Variants in RAD51B observed in about 807,000 individuals in gnomAD.
RAD51B encodes DNA repair protein RAD51 homolog 2.
In RAD51B, 38 loss-of-function variants were observed where a neutral mutation model predicts 42.2. The observed-to-expected ratio is 0.90, with a 90% CI of 0.70 to 1.18. RAD51B has a LOEUF of 1.18. RAD51B is among the 50% of genes most tolerant of loss of function. RAD51B has a pLI of 0.00. For missense variants in RAD51B, 373 were observed against 400.7 expected (o/e 0.93, Z 0.59); for synonymous variants, 154 against 145.2 (o/e 1.06, Z -0.43).
intron 10 of RAD51B, among the ~76,000 whole-genome samples, chr14:68,623,213 C>T (rs1235903600): frequency 6.6e-6 from 1 of 152,168 alleles, no homozygotes; most frequent in African/African-American, 2.4e-5. Flanking sequence ...TGTTCCCTCC[C>T]CCAGGACTGC....
intron 7 of RAD51B, among the ~76,000 whole-genome samples, chr14:68,141,377 G>A (rs1025496567): frequency 2.0e-5 from 3 of 152,026 alleles, no homozygotes; most frequent in Admixed American, 2.0e-4. Flanking sequence ...ATTCTTAAAG[G>A]GAACCCAAGA....
chr14:68,171,717 T>G (rs901130769), intron 7 of RAD51B, among the ~76,000 whole-genome samples: 1 of 152,144 alleles, frequency 6.6e-6, no homozygotes, highest in East Asian at 1.9e-4. Context: ...CATTCTTTTT[T>G]TGTGTGTGTG....
chr14:68,645,842 G>A (rs537043906), intron 10 of RAD51B, among the ~76,000 whole-genome samples: 3 of 152,166 alleles, frequency 2.0e-5, no homozygotes, highest in Admixed American at 6.5e-5. Flanking sequence ...GCTATCATAA[G>A]TAAAATTGCA....
intron 7 of RAD51B, among the ~76,000 whole-genome samples, chr14:68,230,137 T>A (rs1040174769): frequency 2.6e-5 from 4 of 152,200 alleles, no homozygotes; most frequent in Non-Finnish European, 5.9e-5. Context: ...AGCATCAAAT[T>A]GTAGGACAGT....
chr14:68,008,565 T>C (rs1333412660), intron 7 of RAD51B, among the ~76,000 whole-genome samples: 1 of 151,910 alleles, frequency 6.6e-6, no homozygotes, highest in Non-Finnish European at 1.5e-5. Flanking sequence ...TATGTATTGC[T>C]CTCTAACTAG....
At chr14:68,352,763 T>C (rs2082816353) in intron 8 of RAD51B, among the ~76,000 whole-genome samples, 1 of 152,230 alleles carries the variant, frequency 6.6e-6, no homozygotes, top group Non-Finnish European at 1.5e-5. Context: ...TCTGGGACAC[T>C]TACCAGTATA....
intron 7 of RAD51B, among the ~76,000 whole-genome samples, chr14:68,216,817 C>G (rs1396555132): frequency 1.3e-5 from 2 of 152,176 alleles, no homozygotes; most frequent in Non-Finnish European, 1.5e-5. Context: ...TTCCTCACCT[C>G]CATCAACAGG....
At position 68,540,938 on chromosome 14, in the gene RAD51B, G is replaced by T. The variant is rs1158553601; in HGVS notation, c.1037-53547G>T. On this transcript the variant is annotated intron_variant, in intron 10 of 10. Coordinates refer to the RAD51B transcript ENST00000487270. ...AAGTTTGGAAAGAGAGGCAGGGCAT[G>T]CTTTCTTCACCCACAACTATAATAC... The T allele has an allele frequency of 3.0e-6, 3 of 985,332 alleles. No homozygotes were observed. In the African/African-American group the frequency reaches 5.2e-5, roughly 17 times the overall value. 61.0% of individuals were successfully genotyped at this position (985,332 alleles called of 1,614,324 possible). A position where few individuals can be genotyped will look rare whatever the true frequency, so the allele number is the denominator to read the frequency against.
At chr14:68,001,228 C>T (rs1439662846) in intron 7 of RAD51B, among the ~76,000 whole-genome samples, 1 of 152,056 alleles carries the variant, frequency 6.6e-6, no homozygotes, top group African/African-American at 2.4e-5. Context: ...CGTATATTTT[C>T]TATGGAATCA....
At chr14:68,007,463 A>G (rs2075609630) in intron 7 of RAD51B, among the ~76,000 whole-genome samples, 1 of 152,066 alleles carries the variant, frequency 6.6e-6, no homozygotes, top group Non-Finnish European at 1.5e-5. Flanking sequence ...TAGCTGCACC[A>G]TTAGCACTGT....
At chr14:68,472,626 A>G (rs1329954090) in intron 10 of RAD51B, among the ~76,000 whole-genome samples, 1 of 152,192 alleles carries the variant, frequency 6.6e-6, no homozygotes, top group East Asian at 1.9e-4. Context: ...TGTGTTTTTT[A>G]TATCATTTTT....
intron 8 of RAD51B, among the ~76,000 whole-genome samples, chr14:68,332,548 C>T (rs1314712285): frequency 1.3e-5 from 2 of 152,222 alleles, no homozygotes; most frequent in Non-Finnish European, 2.9e-5. Context: ...CACCATGGAG[C>T]AGCCTCCTGG....
intron 10 of RAD51B, among the ~76,000 whole-genome samples, chr14:68,538,999 T>C (rs1887803059): frequency 6.6e-6 from 1 of 152,254 alleles, no homozygotes; most frequent in Admixed American, 6.5e-5. Flanking sequence ...TTTGCCTCTT[T>C]TCTACAACTT....
intron 7 of RAD51B, among the ~76,000 whole-genome samples, chr14:68,087,882 AATT>A (rs1375410571): frequency 1.2e-5 from 1 of 82,072 alleles, no homozygotes; most frequent in Admixed American, 1.3e-4. Context: ...TTATTTATAT[AATT>A]ATATAATATA....
intron 10 of RAD51B, among the ~76,000 whole-genome samples, chr14:68,549,322 G>T (rs1453879066): frequency 6.6e-6 from 1 of 151,642 alleles, no homozygotes. Context: ...CATTTGACCA[G>T]TGAGGAGTGG....
At chr14:68,178,986 A>G (rs765354149) in intron 7 of RAD51B, among the ~76,000 whole-genome samples, 4 of 152,192 alleles carry the variant, frequency 2.6e-5, no homozygotes, top group Non-Finnish European at 4.4e-5. Context: ...TCTGGTCACA[A>G]TGGATGCCAA....
intron 7 of RAD51B, among the ~76,000 whole-genome samples, chr14:68,259,109 T>A (rs17105269): frequency 0.3 from 45,955 of 152,140 alleles, 11,236 homozygotes; most frequent in African/African-American, 0.68. Flanking sequence ...ATGTCAGTGA[T>A]TGAGGCTCTG....
intron 5 of RAD51B, among the ~76,000 whole-genome samples, chr14:67,873,349 A>C (rs1367764655): frequency 1.3e-5 from 2 of 152,186 alleles, no homozygotes; most frequent in African/African-American, 2.4e-5. Context: ...GCTCACCATC[A>C]CTGGCCATCA....
intron 7 of RAD51B, among the ~76,000 whole-genome samples, chr14:68,072,857 G>A (rs1053567196): frequency 1.3e-5 from 2 of 152,122 alleles, no homozygotes; most frequent in African/African-American, 4.8e-5. Context: ...GATTTTCTTG[G>A]TATTGGTTTC....
Sources: gnomAD v4.1 joint callset for allele counts (sites outside exome capture counted in the v4.1 genomes callset) on GRCh38, gnomAD v4.1.1 for gene constraint, MANE v1.5 for transcripts, NCBI Gene and HGNC (gene_info 2026-07-23, HGNC 2026-07-21) for gene names.